TAOK3: variants seen among roughly 807,000 people sequenced by gnomAD.
TAOK3 encodes TAO kinase 3.
Under a neutral mutation model 120.4 loss-of-function variants are expected in TAOK3, and 40 were observed. The ratio of observed to expected loss-of-function variants is 0.33; its 90% CI spans 0.26 to 0.43. TAOK3 has a LOEUF of 0.43. Among genes scored for constraint, TAOK3 ranks in the 20% least tolerant of loss-of-function variants. The pLI is 1.00. For missense variants in TAOK3, 821 were observed against 1,112.1 expected (o/e 0.74, Z 3.72); for synonymous variants, 355 against 387.5 (o/e 0.92, Z 0.99).
chr12:118,217,227 G>T (rs2038951214), intron 9 of TAOK3, among the ~76,000 whole-genome samples: 1 of 152,202 alleles, frequency 6.6e-6, no homozygotes, highest in South Asian at 2.1e-4. Context: ...GACACAGCCA[G>T]AGTAGTTAAA....
chr12:118,190,998 A>G (rs2037404456), intron 13 of TAOK3, among the ~76,000 whole-genome samples: 1 of 152,202 alleles, frequency 6.6e-6, no homozygotes. Flanking sequence ...AGGAGAAATT[A>G]ATTCCTTATT....
At chr12:118,232,802 G>A (rs913019701) in intron 9 of TAOK3, among the ~76,000 whole-genome samples, 1 of 152,090 alleles carries the variant, frequency 6.6e-6, no homozygotes, top group Non-Finnish European at 1.5e-5. Context: ...GCACTCAGGA[G>A]GCTAAAGGAG....
intron 11 of TAOK3, among the ~76,000 whole-genome samples, chr12:118,205,387 A>C (rs1350176562): frequency 6.6e-6 from 1 of 151,650 alleles, no homozygotes; most frequent in Non-Finnish European, 1.5e-5. Flanking sequence ...AAAGAAAGAA[A>C]ATTTTTCTTT....
intron 20 of TAOK3, among the ~76,000 whole-genome samples, chr12:118,151,659 A>G (rs1398394927): frequency 6.6e-6 from 1 of 152,204 alleles, no homozygotes; most frequent in East Asian, 1.9e-4. Flanking sequence ...GAAAGTGCAA[A>G]TAACTGGTTA....
At chr12:118,217,849 A>G (rs1225022188) in intron 9 of TAOK3, among the ~76,000 whole-genome samples, 4 of 97,188 alleles carry the variant, frequency 4.1e-5, no homozygotes, top group Non-Finnish European at 8.0e-5. Flanking sequence ...ATATATATAT[A>G]TATATATATA....
intron 17 of TAOK3, among the ~76,000 whole-genome samples, chr12:118,164,529 C>T (rs905213900): frequency 5.9e-5 from 9 of 151,686 alleles, no homozygotes; most frequent in East Asian, 2.0e-4. Context: ...GCAATTCTCC[C>T]GCCTCAGCCT....
At chr12:118,216,051 A>C (rs2038886418) in intron 9 of TAOK3, among the ~76,000 whole-genome samples, 1 of 152,212 alleles carries the variant, frequency 6.6e-6, no homozygotes, top group Non-Finnish European at 1.5e-5. Flanking sequence ...ATACAAAATT[A>C]ACCGGGCATG....
At chr12:118,348,401 C>T (rs1334351214) in intron 1 of TAOK3, among the ~76,000 whole-genome samples, 1 of 152,092 alleles carries the variant, frequency 6.6e-6, no homozygotes, top group Non-Finnish European at 1.5e-5. Flanking sequence ...ACTACTTGTC[C>T]AGCCTCTGAG....
Position 118,338,985 on chromosome 12 carries a change from C to T in TAOK3, c.-194+33663G>A, listed in dbSNP as rs142789963. 1.2e-3 allele frequency among the ~76,000 whole-genome samples: 177 copies of T among 151,782 alleles called. 1 individual carries two copies. Among genetic ancestry groups the T allele is most frequent in the Middle Eastern group, 3.4e-3 (1 of 294 alleles). On this transcript the variant is annotated intron_variant, in intron 1 of 20. Transcript: ENST00000392533. ...GCACAATGTGATAAGAAAAGCATTG[C>T]GTACCCTGGGACCAGCAAAGAGTGT...
chr12:118,349,064 GTA>G (rs1232786513), intron 1 of TAOK3, among the ~76,000 whole-genome samples: 3 of 151,666 alleles, frequency 2.0e-5, no homozygotes, highest in Non-Finnish European at 4.4e-5. Context: ...GCTAATTTTT[GTA>G]TTTTTAGTAG....
At chr12:118,256,644 C>A (rs189277911) in intron 2 of TAOK3, among the ~76,000 whole-genome samples, 3 of 152,204 alleles carry the variant, frequency 2.0e-5, no homozygotes, top group African/African-American at 7.2e-5. Flanking sequence ...TGAAAGATAC[C>A]AGTCACAAAA....
intron 1 of TAOK3, among the ~76,000 whole-genome samples, chr12:118,313,494 C>T (rs953537663): frequency 3.3e-5 from 5 of 152,198 alleles, no homozygotes; most frequent in Admixed American, 3.3e-4. Context: ...CCAGGCTGGT[C>T]TCAAACTCCT....
At chr12:118,302,575 G>T (rs865776524) in intron 1 of TAOK3, among the ~76,000 whole-genome samples, 16 of 152,120 alleles carry the variant, frequency 1.1e-4, no homozygotes, top group Admixed American at 7.9e-4. Flanking sequence ...AGAGGTCAAA[G>T]GTAAGAAAGA....
chr12:118,223,062 CTTTTTTTTTT>C (rs75334511), intron 9 of TAOK3, among the ~76,000 whole-genome samples: 5 of 120,094 alleles, frequency 4.2e-5, no homozygotes, highest in East Asian at 2.4e-4. Flanking sequence ...TTCTTTCTTT[CTTTTTTTTTT>C]TTTTTTTTTT....
chr12:118,372,311 C>CA lies in TAOK3; in HGVS notation c.-194+336dup, dbSNP rs1222711116. On this transcript the variant is annotated intron_variant, in intron 1 of 20. Coordinates refer to ENST00000392533, the MANE Select transcript of TAOK3 (RefSeq NM_016281.4). This position sits in a 1 kb window ranked among gnomAD's most constrained non-coding sequence, Gnocchi z 4.6. ...GGTCCTTCAGGGGACCCCCTCCCCT[C>CA]ATCCCCCTATCCTAGTGCCTCATGA... is the stretch of plus-strand genomic sequence containing the variant. Among the ~76,000 whole-genome samples the CA allele has an allele frequency of 6.7e-6, 1 of 150,230 alleles. No homozygotes were observed. Among genetic ancestry groups the CA allele is most frequent in the Non-Finnish European group, 1.5e-5 (1 of 67,474 alleles).
intron 9 of TAOK3, among the ~76,000 whole-genome samples, chr12:118,224,388 G>A (rs993838229): frequency 7.9e-5 from 12 of 152,186 alleles, no homozygotes; most frequent in Non-Finnish European, 1.8e-4. Context: ...AGGGGCTAAT[G>A]TATAAGAAGA....
intron 1 of TAOK3, among the ~76,000 whole-genome samples, chr12:118,346,001 T>C (rs1325163163): frequency 6.6e-6 from 1 of 152,154 alleles, no homozygotes; most frequent in African/African-American, 2.4e-5. Flanking sequence ...ATATATGTAC[T>C]ATAACTGTCC....
chr12:118,331,892 T>A (rs1238201919), intron 1 of TAOK3, among the ~76,000 whole-genome samples: 1 of 151,128 alleles, frequency 6.6e-6, no homozygotes, highest in African/African-American at 2.4e-5. Flanking sequence ...AATGGCACGA[T>A]CTCAGCTCAC....
intron 1 of TAOK3, among the ~76,000 whole-genome samples, chr12:118,337,393 G>A (rs1436309414): frequency 6.6e-6 from 1 of 152,134 alleles, no homozygotes; most frequent in African/African-American, 2.4e-5. Flanking sequence ...ACCATACAAC[G>A]CAGCAGTTGC....
Sources: gnomAD v4.1 joint callset for allele counts (sites outside exome capture counted in the v4.1 genomes callset) on GRCh38, gnomAD v4.1.1 for gene constraint, Gnocchi (gnomAD v3.1) non-coding constraint, MANE v1.5 for transcripts, NCBI Gene and HGNC (gene_info 2026-07-23, HGNC 2026-07-21) for gene names.